The following ZMIZ1 variants were observed in gnomAD, a reference collection of about 807,000 sequenced individuals.
ZMIZ1 encodes the protein zinc finger MIZ-type containing 1.
A neutral mutation model predicts 113.9 loss-of-function variants in ZMIZ1; 17 were observed. The observed-to-expected ratio is 0.15, with a 90% CI of 0.10 to 0.22. The LOEUF is 0.22. Ranked by LOEUF, ZMIZ1 falls within the 10% of genes least tolerant of loss-of-function variation. The pLI, the probability that ZMIZ1 is intolerant of heterozygous loss-of-function variation, is 1.00. For missense variants in ZMIZ1, 1,059 were observed against 1,477.8 expected (o/e 0.72, Z 4.65); for synonymous variants, 607 against 603.1 (o/e 1.01, Z -0.09).
chr10:79,241,868 G>A (rs915398996), intron 7 of ZMIZ1, among the ~76,000 whole-genome samples: 1 of 152,130 alleles, frequency 6.6e-6, no homozygotes, highest in East Asian at 1.9e-4. Context: ...GTCAGCTCCC[G>A]GTGTTGGCCA....
chr10:79,292,848 G>A (rs1853591999), intron 11 of ZMIZ1: 2 of 462,838 alleles, frequency 4.3e-6, no homozygotes, highest in African/African-American at 4.0e-5. Flanking sequence ...GCCCCCATAG[G>A]AATGCAGAAC....
intron 23 of ZMIZ1, 41 bp from the exon 24 acceptor site, chr10:79,310,883 C>G (rs1564610066): frequency 1.3e-6 from 2 of 1,587,580 alleles, no homozygotes; most frequent in Admixed American, 1.7e-5. Flanking sequence ...CGTGCCTCCT[C>G]ACCTCACCTC....
In ZMIZ1 at chr10:79,292,203, G is replaced by C; in HGVS notation, c.804G>C (p.Pro268=). The part of the protein sequence containing the change: ...PNAPAGMGIP[P]HTRPPADFTQ... ...CCCCCGCAGGCATGGGCATCCCTCC[G>C]CACACCAGGCCGCCTGCTGACTTCA... The change falls in exon 11 of 25, where the codon CCG becomes CCC. Residue 268 remains proline (P), a synonymous_variant. Coordinates refer to ENST00000334512, the MANE Select transcript of ZMIZ1 (RefSeq NM_020338.4). 1.9e-6 allele frequency: 3 copies of C among 1,611,980 alleles called. No individual in the cohort carries two copies. The highest frequency in any genetic ancestry group is 2.5e-6 in the Non-Finnish European group (3 of 1,179,598).
Position 79,154,997 on chromosome 10 carries a change from C to T in ZMIZ1, c.-130-7056C>T, listed in dbSNP as rs77486375. 7.4e-4 allele frequency among the ~76,000 whole-genome samples: 112 copies of T among 152,304 alleles called. 2 individuals are homozygous for T. In the East Asian group the frequency reaches 0.02, roughly 28 times the overall value. The stretch of plus-strand genomic sequence containing the variant: ...AATCTTGTTATGTCCTTCAACAACT[C>T]TGTGAGAGTAGTGACTCTTAGTATC... On this transcript the variant is annotated intron_variant, in intron 3 of 24. Transcript: ENST00000334512.
chr10:79,293,725 C>T (rs376211959), intron 12 of ZMIZ1, 72 bp downstream of exon 12: 37 of 1,608,074 alleles, frequency 2.3e-5, no homozygotes, highest in South Asian at 1.5e-4. Context: ...GCCGTGGGTA[C>T]GGCTTTGGAA....
intron 1 of ZMIZ1, among the ~76,000 whole-genome samples, chr10:79,095,019 C>T (rs1193212773): frequency 6.6e-6 from 1 of 151,812 alleles, no homozygotes; most frequent in Non-Finnish European, 1.5e-5. Flanking sequence ...TGATCAGAGG[C>T]CTGGGGCCCT....
At chr10:79,171,262 G>A (rs769191345) in intron 4 of ZMIZ1, among the ~76,000 whole-genome samples, 15 of 152,226 alleles carry the variant, frequency 9.9e-5, no homozygotes, top group Non-Finnish European at 1.9e-4. Context: ...CTGGGCTAAT[G>A]CCAGAGAAGG....
intron 1 of ZMIZ1, among the ~76,000 whole-genome samples, chr10:79,084,550 T>A (rs1465915329): frequency 6.6e-6 from 1 of 152,184 alleles, no homozygotes; most frequent in Non-Finnish European, 1.5e-5. Flanking sequence ...TCAAAGTCAC[T>A]TCGGACAGGC....
chr10:79,084,208 C>G (rs1190919008), intron 1 of ZMIZ1, among the ~76,000 whole-genome samples: 2 of 152,226 alleles, frequency 1.3e-5, no homozygotes, highest in African/African-American at 4.8e-5. Flanking sequence ...AACTCTCTCC[C>G]CTGACACTCT....
chr10:79,142,431 G>C (rs541901566), intron 3 of ZMIZ1, among the ~76,000 whole-genome samples: 99 of 152,116 alleles, frequency 6.5e-4, no homozygotes, highest in African/African-American at 2.2e-3. Context: ...GTGGATAAGG[G>C]GTCTGCAGAG....
intron 3 of ZMIZ1, among the ~76,000 whole-genome samples, chr10:79,155,271 C>T (rs1437418338): frequency 6.6e-6 from 1 of 152,224 alleles, no homozygotes; most frequent in Non-Finnish European, 1.5e-5. Flanking sequence ...AGTTCAAGGC[C>T]TCTTTGATTG....
intron 1 of ZMIZ1, among the ~76,000 whole-genome samples, chr10:79,103,710 G>A (rs892526924): frequency 6.6e-6 from 1 of 152,130 alleles, no homozygotes. Flanking sequence ...AGGCTGGCAA[G>A]CCCTCCTCCC....
chr10:79,111,739 A>G (rs1843750436), intron 1 of ZMIZ1, among the ~76,000 whole-genome samples: 1 of 152,228 alleles, frequency 6.6e-6, no homozygotes. Context: ...CTCCAAGAAT[A>G]CAGTCTCACT....
In ZMIZ1 at chr10:79,305,183, A is replaced by T. The variant is rs1378545724; in HGVS notation, c.2306A>T (p.Tyr769Phe). 1 of 1,614,018 alleles carries T rather than the reference A, an allele frequency of 6.2e-7. No homozygotes were observed. ...CTGCAGTGCTTTGATCTGGAGTCATACCTGCAGCTGAATTGCGAGAGAGGG... is the reference window on the plus strand; with the variant it reads ...CTGCAGTGCTTTGATCTGGAGTCATTCCTGCAGCTGAATTGCGAGAGAGGG... ...KHVQCFDLES[Y>F]LQLNCERGTW... Residue 769 changes from tyrosine to phenylalanine, a missense_variant, in exon 20 of 25, where the codon TAC becomes TTC. Tyr to Phe is a conservative substitution (Grantham distance 22, BLOSUM62 3). Around this residue, in one of 6 missense-constraint regions of ZMIZ1, gnomAD observed 217 missense variants for 426.9 expected, o/e 0.51. Transcript: ENST00000334512.
intron 1 of ZMIZ1, among the ~76,000 whole-genome samples, chr10:79,103,241 T>G (rs1589274083): frequency 1.4e-5 from 2 of 146,894 alleles, no homozygotes; most frequent in Non-Finnish European, 3.0e-5. Context: ...GGGGAAACCG[T>G]GAGGGGGAGC....
At chr10:79,161,889 G>T (rs568024729) in intron 3 of ZMIZ1, among the ~76,000 whole-genome samples, 164 bp from the exon 4 acceptor site, 5 of 152,188 alleles carry the variant, frequency 3.3e-5, no homozygotes, top group Admixed American at 6.5e-5. Context: ...TAACTGGCAG[G>T]TGTGGGGAGT....
intron 7 of ZMIZ1, among the ~76,000 whole-genome samples, chr10:79,246,631 C>T (rs931982622): frequency 1.3e-5 from 2 of 152,172 alleles, no homozygotes; most frequent in East Asian, 1.9e-4. Flanking sequence ...CTTGCTCTTG[C>T]CCCGCCACAC....
intron 7 of ZMIZ1, among the ~76,000 whole-genome samples, chr10:79,246,683 C>T (rs1430881999): frequency 6.6e-6 from 1 of 152,194 alleles, no homozygotes; most frequent in Admixed American, 6.5e-5. Context: ...GCCCTCCTTC[C>T]CCAAGCCTCG....
intron 4 of ZMIZ1, among the ~76,000 whole-genome samples, chr10:79,176,280 C>G (rs1456806086): frequency 6.6e-6 from 1 of 152,140 alleles, no homozygotes; most frequent in Non-Finnish European, 1.5e-5. Context: ...GCCACCACCA[C>G]TTAGTCATTT....
Sources: allele counts gnomAD v4.1 joint callset (sites outside exome capture counted in the v4.1 genomes callset), GRCh38; gene constraint gnomAD v4.1.1; regional missense constraint gnomAD v4.1.1; transcripts MANE v1.5; gene names NCBI Gene and HGNC (gene_info 2026-07-23, HGNC 2026-07-21).